LAMA1: variants seen among roughly 807,000 people sequenced by gnomAD.
LAMA1 encodes the protein laminin subunit alpha-1.
Under a neutral mutation model 348.7 loss-of-function variants are expected in LAMA1, and 219 were observed. The ratio of observed to expected loss-of-function variants is 0.63; its 90% CI spans 0.56 to 0.70. The LOEUF (loss-of-function observed/expected upper bound fraction) is 0.70, where lower values mean the gene tolerates loss of function less well. Among genes scored for constraint, LAMA1 ranks in the 30% least tolerant of loss-of-function variants. The probability of loss-of-function intolerance (pLI) is 0.00; values close to 1 mark genes in which losing one functional copy is unlikely to be tolerated. For synonymous variants in LAMA1, 1,487 were observed against 1,491.0 expected (o/e 1.00, Z 0.06); for missense variants, 3,744 against 3,888.0 (o/e 0.96, Z 0.99).
chr18:7,036,164 C>T (rs908302672), intron 12 of LAMA1, 76 bp from the exon 13 acceptor site: 2 of 1,022,146 alleles, frequency 2.0e-6, no homozygotes, highest in East Asian at 2.4e-5. Flanking sequence ...GAAGTGGTCA[C>T]TGGGATCCAT....
intron 56 of LAMA1, 54 bp downstream of exon 56, chr18:6,956,582 T>C: frequency 1.2e-6 from 2 of 1,612,672 alleles, no homozygotes; most frequent in Non-Finnish European, 8.5e-7. Flanking sequence ...CCCTCTGTCC[T>C]AGGCCCTCCT....
chr18:7,074,793 T>C (rs2058160086), intron 3 of LAMA1, among the ~76,000 whole-genome samples: 1 of 151,942 alleles, frequency 6.6e-6, no homozygotes. Context: ...TAGTAGACAT[T>C]ATTTTTAAAA....
Position 6,947,147 on chromosome 18 carries a change from G to A in LAMA1, c.8844+16C>T, listed in dbSNP as rs770402999. 1 of 1,614,168 alleles carries A rather than the reference G, an allele frequency of 6.2e-7. No individual in the cohort carries two copies. Among genetic ancestry groups the A allele is most frequent in the Non-Finnish European group, 8.5e-7 (1 of 1,180,038 alleles). ...CACTGGGGGGAGGAAGACCCTCATG[G>A]AGAGGAAGCACCCACCTTGCCGTCC... is the stretch of plus-strand genomic sequence containing the variant. On this transcript the variant is annotated intron_variant, in intron 61 of 62. Transcript: ENST00000389658.
intron 1 of LAMA1, among the ~76,000 whole-genome samples, chr18:7,104,412 A>C (rs550660302): frequency 6.6e-6 from 1 of 152,316 alleles, no homozygotes; most frequent in African/African-American, 2.4e-5. Context: ...TCGGCCCTTA[A>C]GGAGAGACAG....
chr18:7,031,166 A>G lies in LAMA1; in HGVS notation c.2274+900T>C, dbSNP rs1215646720. Among the ~76,000 whole-genome samples, 3 of 152,192 alleles carry G rather than the reference A, an allele frequency of 2.0e-5. No homozygotes were observed. In the East Asian group the frequency reaches 5.8e-4, roughly 29 times the overall value. On this transcript the variant is annotated intron_variant, in intron 16 of 62. Coordinates refer to ENST00000389658, the MANE Select transcript of LAMA1 (RefSeq NM_005559.4). ...TTAATTTTCCCTAACTCTGTGACTC[A>G]GTCAATCTCTTTTGGAAAAAGCATG...
Position 7,025,732 on chromosome 18 carries a change from G to A in LAMA1, c.2402+247C>T, listed in dbSNP as rs188584862. On this transcript the variant is annotated intron_variant, in intron 17 of 62. Transcript: ENST00000389658. ...TTGTGAAACAACTGATGACCAAGAG[G>A]AATCAAGAGGGAAAACGGCGTGTAT... Among the ~76,000 whole-genome samples, 233 of 152,292 alleles carry A rather than the reference G, an allele frequency of 1.5e-3. 3 individuals are homozygous for A. The highest frequency in any genetic ancestry group is 4.1e-3 in the Admixed American group (63 of 15,296).
chr18:7,096,033 G>A (rs747855733), intron 1 of LAMA1, among the ~76,000 whole-genome samples: 4 of 152,174 alleles, frequency 2.6e-5, no homozygotes, highest in African/African-American at 7.2e-5. Flanking sequence ...GCGCCATTGC[G>A]CTCCAGCCCA....
intron 19 of LAMA1, 84 bp downstream of exon 19, chr18:7,023,069 TCCTAGGCGGGG>T: frequency 1.5e-6 from 2 of 1,349,658 alleles, no homozygotes; most frequent in Non-Finnish European, 2.1e-6. Flanking sequence ...GAGTGTGACC[TCCTAGGCGGGG>T]CCCTGTGTGA....
intron 53 of LAMA1, 147 bp from the exon 54 acceptor site, chr18:6,959,639 C>T: frequency 2.5e-6 from 2 of 798,326 alleles, no homozygotes; most frequent in South Asian, 1.5e-5. Flanking sequence ...CACAATGTTA[C>T]ATTTTGTATG....
intron 1 of LAMA1, among the ~76,000 whole-genome samples, chr18:7,104,183 G>A (rs1047521448): frequency 6.6e-6 from 1 of 151,874 alleles, no homozygotes; most frequent in African/African-American, 2.4e-5. Flanking sequence ...TTCACCATGT[G>A]GGCCAGGCTG....
chr18:7,035,158 C>T (rs6506464), intron 13 of LAMA1, among the ~76,000 whole-genome samples: 7,960 of 152,160 alleles, frequency 0.052, 681 homozygotes, highest in African/African-American at 0.18. Flanking sequence ...GAGACAAGAA[C>T]CTGGAGTGGT....
At chr18:7,117,408 GCTTT>G (rs749710998) in intron 1 of LAMA1, among the ~76,000 whole-genome samples, 97,050 of 151,688 alleles carry the variant, frequency 0.64, 31,665 homozygotes, top group East Asian at 0.99. Context: ...GCGAGGCTGG[GCTTT>G]AACCCCAAAG....
Position 7,017,339 on chromosome 18 carries a change from A to G in LAMA1, c.2747T>C (p.Leu916Pro), listed in dbSNP as rs769368993. 1.3e-5 allele frequency: 21 copies of G among 1,614,002 alleles called. No individual in the cohort carries two copies. The Admixed American group carries it at 3.5e-4, about 27-fold the overall frequency. The change falls in exon 20 of 63, where the codon CTT becomes CCT. Residue 916 changes from leucine (L) to proline (P), a missense_variant. Coordinates refer to ENST00000389658, the MANE Select transcript of LAMA1 (RefSeq NM_005559.4). ...TTTGCAGTCACAGAGCCCGGTCTCA[A>G]GATGGCACACGGCAGAATGGGAGCC... The part of the protein sequence containing the change: ...VKGSHSAVCH[L>P]ETGLCDCKPN...
intron 3 of LAMA1, among the ~76,000 whole-genome samples, chr18:7,058,312 T>C (rs1232466819): frequency 6.6e-6 from 1 of 152,174 alleles, no homozygotes; most frequent in African/African-American, 2.4e-5. Context: ...GTTCCCACAA[T>C]CTCTCAATAG....
In LAMA1 at chr18:6,965,414, C is replaced by T. The variant is rs1406969812; in HGVS notation, c.7069G>A (p.Glu2357Lys). ...SYGTKDFLSI[E>K]LFRGRVKVMT... is the part of the protein sequence containing the mutation. ...ACCTTCACTCTGCCACGAAACAGCT[C>T]GATGGATAAAAAGTCTTTCTGTAAA... The change falls in exon 50 of 63, where the codon GAG (glutamate) becomes AAG (lysine). Residue 2357 changes from glutamate (E) to lysine (K), a missense_variant. By Grantham distance (56) the Glu-to-Lys change is moderately conservative. This residue lies in a region of LAMA1 where 1,983 missense variants were observed against 1,934.3 expected (regional missense o/e 1.03). Transcript: ENST00000389658. 12 of 1,613,952 alleles carry T rather than the reference C, an allele frequency of 7.4e-6. No homozygotes were observed. Among genetic ancestry groups the T allele is most frequent in the South Asian group, 1.1e-5 (1 of 91,078 alleles).
chr18:6,995,592 T>C, intron 33 of LAMA1, 146 bp from the exon 34 acceptor site: 1 of 655,870 alleles, frequency 1.5e-6, no homozygotes, highest in Middle Eastern at 4.1e-4. Context: ...ATGGATCACA[T>C]TTACTTAGGT....
At chr18:6,983,359 T>C (rs2057720624) in intron 39 of LAMA1, 125 bp from the exon 40 acceptor site, 5 of 983,374 alleles carry the variant, frequency 5.1e-6, no homozygotes, top group Admixed American at 4.0e-5. Context: ...TAGAAGAGTA[T>C]CATCCATAAA....
At chr18:7,015,292 T>C (rs1477442712) in intron 22 of LAMA1, among the ~76,000 whole-genome samples, 2 of 152,138 alleles carry the variant, frequency 1.3e-5, no homozygotes, top group Admixed American at 1.3e-4. Context: ...ATTTTTAAGA[T>C]AGAGTCTTTC....
At chr18:6,944,264 C>T (rs1167526930) in intron 61 of LAMA1, among the ~76,000 whole-genome samples, 1 of 152,178 alleles carries the variant, frequency 6.6e-6, no homozygotes, top group African/African-American at 2.4e-5. Context: ...GATTTGCCCA[C>T]CTCGGCCTCC....
Sources: allele counts gnomAD v4.1 joint callset (sites outside exome capture counted in the v4.1 genomes callset), GRCh38; gene constraint gnomAD v4.1.1; regional missense constraint gnomAD v4.1.1; transcripts MANE v1.5; gene names NCBI Gene and HGNC (gene_info 2026-07-23, HGNC 2026-07-21).